Variants in SLC25A18 observed in about 807,000 individuals in gnomAD.
SLC25A18 encodes the protein mitochondrial glutamate carrier 2.
SLC25A18 carries 24 observed loss-of-function variants against 31.1 expected under a neutral mutation model. The observed-to-expected ratio is 0.77, with a 90% CI of 0.56 to 1.08. The LOEUF (loss-of-function observed/expected upper bound fraction) is 1.08, where lower values mean the gene tolerates loss of function less well. Among genes scored for constraint, SLC25A18 ranks in the 50% least tolerant of loss-of-function variants. The pLI is 0.00. For synonymous variants in SLC25A18, 173 were observed against 161.9 expected, an observed-to-expected ratio of 1.07 and a Z score of -0.52; for missense variants, 371 against 418.5, an observed-to-expected ratio of 0.89 and a Z score of 0.99.
chr22:17,574,378 G>T (rs1055225995), intron 2 of SLC25A18, among the ~76,000 whole-genome samples: 2 of 152,110 alleles, frequency 1.3e-5, no homozygotes, highest in South Asian at 4.2e-4. Context: ...AGCCACCCAG[G>T]CTCCCCACGT....
At chr22:17,589,305 T>C (rs541911669) in intron 9 of SLC25A18, 1 of 300,750 alleles carries the variant, frequency 3.3e-6, no homozygotes, top group Non-Finnish European at 6.5e-6. Flanking sequence ...CCCAGCCTCA[T>C]GAGTAGCTGG....
Position 17,574,642 on chromosome 22 carries a change from G to A in SLC25A18, c.-201+4656G>A, listed in dbSNP as rs979493757. ...AGCGATTCTCCTGCGTCAGCCTCCC[G>A]AGCAGTTGGGATTACAGGCACGTGC... On this transcript the variant is annotated intron_variant, in intron 2 of 10. Transcript: ENST00000327451. 2.7e-5 allele frequency among the ~76,000 whole-genome samples: 4 copies of A among 149,284 alleles called. 1 individual carries two copies. The highest frequency in any genetic ancestry group is 4.2e-4 in the South Asian group (2 of 4,740).
chr22:17,587,199 C>A lies in SLC25A18; in HGVS notation c.473C>A (p.Ala158Asp), dbSNP rs775440095. Residue 158 changes from alanine (A) to aspartate (D), a missense_variant, in exon 8 of 11, where the codon GCT (alanine) becomes GAT (aspartate). Coordinates refer to ENST00000327451, the MANE Select transcript of SLC25A18 (RefSeq NM_031481.3). ...STSRSYTTGS[A>D]STHRRPSATL... is the part of the protein sequence containing the mutation. Reference sequence around the variant, plus strand: ...TCCAGGTCCTACACAACTGGTTCGGCTTCCACCCACAGGCGCCCCTCTGCC... The same window carrying A: ...TCCAGGTCCTACACAACTGGTTCGGATTCCACCCACAGGCGCCCCTCTGCC... 1.9e-6 allele frequency: 3 copies of A among 1,614,180 alleles called. No individual in the cohort carries two copies. The Admixed American group carries it at 5.0e-5, about 27-fold the overall frequency.
chr22:17,584,798 A>G (rs903602068), intron 7 of SLC25A18, among the ~76,000 whole-genome samples: 19 of 149,260 alleles, frequency 1.3e-4, no homozygotes, highest in Non-Finnish European at 1.9e-4. Context: ...AAAAAAAAAA[A>G]AAAAAAAAAA....
In SLC25A18 at chr22:17,590,246, G is replaced by C; in HGVS notation, c.*10G>C. On this transcript the variant is annotated 3_prime_UTR_variant, in exon 11 of 11. Coordinates refer to ENST00000327451, the MANE Select transcript of SLC25A18 (RefSeq NM_031481.3). ...AAAGTGTTTTGACTAGACAGAGCTG[G>C]AGGTCAAGTCCCTGCGCTTGCCGCC... 1 of 1,614,200 alleles carries C rather than the reference G, an allele frequency of 6.2e-7. No individual in the cohort carries two copies. Among genetic ancestry groups the C allele is most frequent in the East Asian group, 2.2e-5 (1 of 44,874 alleles).
chr22:17,586,995 T>C (rs2057568397), intron 7 of SLC25A18, 141 bp from the exon 8 acceptor site: 3 of 934,422 alleles, frequency 3.2e-6, no homozygotes, highest in Admixed American at 4.7e-5. Context: ...ATTCTAAAAT[T>C]AGGACATTCT....
chr22:17,573,019 G>T (rs114749001), intron 2 of SLC25A18, among the ~76,000 whole-genome samples: 2 of 151,942 alleles, frequency 1.3e-5, no homozygotes, highest in Non-Finnish European at 2.9e-5. Flanking sequence ...AGGCTGAGGC[G>T]GGAGGATCCC....
intron 1 of SLC25A18, among the ~76,000 whole-genome samples, chr22:17,564,278 T>G (rs2056876879): frequency 6.6e-6 from 1 of 152,226 alleles, no homozygotes; most frequent in Non-Finnish European, 1.5e-5. Context: ...CATGATCTAT[T>G]GTGATGTTCT....
chr22:17,563,551 TG>T lies in SLC25A18; in HGVS notation c.-424del. 2.4e-6 allele frequency: 1 copy of T among 420,604 alleles called. No individual in the cohort carries two copies. Among genetic ancestry groups the T allele is most frequent in the Non-Finnish European group, 3.2e-6 (1 of 313,772 alleles). The allele number at this position is 420,604 out of a possible 1,614,324, so 26.1% of individuals were successfully genotyped here. ...GACCCCTATTCTAGCCAGTTAAAGCTGGACAGAATTTTTAAAAGCAATGAAG... is the reference window on the plus strand; with the variant it reads ...GACCCCTATTCTAGCCAGTTAAAGCTGACAGAATTTTTAAAAGCAATGAAG... On this transcript the variant is annotated 5_prime_UTR_variant, in exon 1 of 11. Transcript: ENST00000327451.
chr22:17,563,507 A>G lies in SLC25A18; in HGVS notation c.-470A>G. 5.5e-6 allele frequency: 1 copy of G among 181,016 alleles called. No homozygotes were observed. Among genetic ancestry groups the G allele is most frequent in the Non-Finnish European group, 1.1e-5 (1 of 94,312 alleles). 11.2% of individuals were successfully genotyped at this position (181,016 alleles called of 1,614,324 possible). ...CCTGGATTTGGACTTCATTCTGGAC[A>G]GCATATGACAAGGACGAGGACCCCT... On this transcript the variant is annotated 5_prime_UTR_variant, in exon 1 of 11. Coordinates refer to ENST00000327451, the MANE Select transcript of SLC25A18 (RefSeq NM_031481.3).
chr22:17,588,119 A>G (rs1296787245), intron 9 of SLC25A18, 40 bp downstream of exon 9: 3 of 1,610,590 alleles, frequency 1.9e-6, no homozygotes, highest in Non-Finnish European at 2.5e-6. Flanking sequence ...TGGGATAAAC[A>G]GTAATTTTGC....
intron 5 of SLC25A18, 65 bp from the exon 6 acceptor site, chr22:17,582,498 G>T (rs1393851123): frequency 1.4e-6 from 2 of 1,400,870 alleles, no homozygotes; most frequent in African/African-American, 2.9e-5. Context: ...AGGGCTGAAG[G>T]GCAGACCTGG....
chr22:17,585,317 G>A (rs1391108793), intron 7 of SLC25A18: 2 of 152,060 alleles, frequency 1.3e-5, no homozygotes, highest in African/African-American at 4.8e-5. Context: ...TTGAACCCGG[G>A]AGGCAGAGGT....
chr22:17,563,710 GTC>G lies in SLC25A18; in HGVS notation c.-266_-265del. On this transcript the variant is annotated splice_region_variant and 5_prime_UTR_variant, in exon 1 of 11. Transcript: ENST00000327451. ...ACGTCGACTCGCTTGCAGGCAAGTT[GTC>G]AGTAAGTATTTATTAAATACCCACC... is the stretch of plus-strand genomic sequence containing the variant. 1.0e-6 allele frequency: 1 copy of G among 985,360 alleles called. No homozygotes were observed. The highest frequency in any genetic ancestry group is 1.1e-4 in the East Asian group (1 of 8,818). 61.0% of individuals were successfully genotyped at this position (985,360 alleles called of 1,614,324 possible). A position where few individuals can be genotyped will look rare whatever the true frequency, so the allele number is the denominator to read the frequency against.
intron 2 of SLC25A18, among the ~76,000 whole-genome samples, chr22:17,577,447 C>G (rs149976885): frequency 2.0e-5 from 3 of 151,994 alleles, no homozygotes; most frequent in Non-Finnish European, 4.4e-5. Flanking sequence ...TGTGAGCCAC[C>G]GCACCCGGCC....
At position 17,574,841 on chromosome 22, in the gene SLC25A18, T is replaced by TATTA. The variant is rs773356338; in HGVS notation, c.-201+4856_-201+4859dup. Among the ~76,000 whole-genome samples, 16 of 142,168 alleles carry TATTA rather than the reference T, an allele frequency of 1.1e-4. No homozygotes were observed. The East Asian group carries it at 1.4e-3, about 13-fold the overall frequency. 93.3% of individuals were successfully genotyped at this position (142,168 alleles called of 152,430 possible). On this transcript the variant is annotated intron_variant, in intron 2 of 10. Transcript: ENST00000327451. ...TGGCCAATGTTCCCTTTATTATTAT[T>TATTA]ATTATTATTATTTATATATGTATTT...
intron 9 of SLC25A18, 57 bp downstream of exon 9, chr22:17,588,136 A>G: frequency 6.3e-7 from 1 of 1,598,344 alleles, no homozygotes; most frequent in Non-Finnish European, 8.5e-7. Flanking sequence ...TTGCACTTAT[A>G]GATAAAACAG....
chr22:17,570,534 G>C (rs2057058502), intron 2 of SLC25A18: 1 of 152,444 alleles, frequency 6.6e-6, no homozygotes, highest in Non-Finnish European at 1.5e-5. Flanking sequence ...GCCCAGGCTG[G>C]AGTGCTGTGG....
chr22:17,589,588 A>C lies in SLC25A18; in HGVS notation c.731-2A>C. 6.2e-7 allele frequency: 1 copy of C among 1,613,926 alleles called. No homozygotes were observed. Among genetic ancestry groups the C allele is most frequent in the Non-Finnish European group, 8.5e-7 (1 of 1,179,850 alleles). On this transcript the variant is annotated splice_acceptor_variant, in intron 9 of 10. Coordinates refer to ENST00000327451, the MANE Select transcript of SLC25A18 (RefSeq NM_031481.3). LOFTEE classifies it high-confidence loss of function. ...ACTTACTTTAACTTTTACTTGATTTAGTTCTGAAAACTCGAATCCAAACCC... is the reference window on the plus strand; with the variant it reads ...ACTTACTTTAACTTTTACTTGATTTCGTTCTGAAAACTCGAATCCAAACCC...
Sources: gnomAD v4.1 joint callset for allele counts (sites outside exome capture counted in the v4.1 genomes callset) on GRCh38, gnomAD v4.1.1 for gene constraint, MANE v1.5 for transcripts, NCBI Gene and HGNC (gene_info 2026-07-23, HGNC 2026-07-21) for gene names.